SDK2: variants seen among roughly 807,000 people sequenced by gnomAD.
SDK2 encodes the protein sidekick cell adhesion molecule 2, also known as protein sidekick-2.
A neutral mutation model predicts 253.9 loss-of-function variants in SDK2; 105 were observed. The ratio of observed to expected loss-of-function variants is 0.41; its 90% confidence interval spans 0.35 to 0.49. The LOEUF is 0.49. SDK2 is among the 20% of genes least tolerant of loss of function. The probability of loss-of-function intolerance (pLI) is 0.06; values close to 1 mark genes in which losing one functional copy is unlikely to be tolerated. For missense variants in SDK2, 2,608 were observed against 3,003.0 expected, an observed-to-expected ratio of 0.87 and a Z score of 3.07; for synonymous variants, 1,249 against 1,234.9, an observed-to-expected ratio of 1.01 and a Z score of -0.24.
chr17:73,560,814 A>T (rs201340910), intron 1 of SDK2, among the ~76,000 whole-genome samples: 1 of 152,190 alleles, frequency 6.6e-6, no homozygotes, highest in East Asian at 1.9e-4. Context: ...CAGATCATGG[A>T]GCCACTGGTG....
intron 22 of SDK2, 73 bp from the exon 23 acceptor site, chr17:73,398,502 G>A: frequency 7.6e-7 from 1 of 1,309,870 alleles, no homozygotes; most frequent in South Asian, 1.3e-5. Flanking sequence ...CCCAGTACAA[G>A]CCCTGCCAGG....
At chr17:73,470,792 A>G (rs936556516) in intron 3 of SDK2, among the ~76,000 whole-genome samples, 2 of 152,170 alleles carry the variant, frequency 1.3e-5, no homozygotes, top group African/African-American at 2.4e-5. Flanking sequence ...TGAGCTCCAT[A>G]TGAGAGGGTG....
At chr17:73,476,449 C>T (rs747112391) in intron 2 of SDK2, among the ~76,000 whole-genome samples, 7 of 152,056 alleles carry the variant, frequency 4.6e-5, no homozygotes, top group South Asian at 2.1e-4. Context: ...CTTTATCGTA[C>T]GCATATATTG....
intron 4 of SDK2, among the ~76,000 whole-genome samples, chr17:73,450,023 C>A (rs373646246): frequency 6.6e-6 from 1 of 152,168 alleles, no homozygotes; most frequent in African/African-American, 2.4e-5. Context: ...GGGGCCAGAG[C>A]CAGGCGAAAA....
chr17:73,447,937 G>A lies in SDK2; in HGVS notation c.480-189C>T, dbSNP rs1350071038. Among the ~76,000 whole-genome samples the A allele has an allele frequency of 6.6e-6, 1 of 151,980 alleles. No individual in the cohort carries two copies. The highest frequency in any genetic ancestry group is 1.5e-5 in the Non-Finnish European group (1 of 67,992). On this transcript the variant is annotated intron_variant, in intron 4 of 44. Transcript: ENST00000392650. The surrounding 1 kb of genome is among the most constrained non-coding windows in gnomAD (Gnocchi z 4.0). ...CCGCCACGTTTAGTTTGCAGAGAAT[G>A]CTAAACACGGTGCTGATGCTGTCAA... is the stretch of plus-strand genomic sequence containing the variant.
chr17:73,469,485 A>C (rs905021018), intron 3 of SDK2, among the ~76,000 whole-genome samples: 3 of 152,204 alleles, frequency 2.0e-5, no homozygotes, highest in Admixed American at 6.5e-5. Flanking sequence ...GGGCGGGCCC[A>C]GGTCTGTCTG....
chr17:73,603,485 G>A (rs1170762361), intron 1 of SDK2, among the ~76,000 whole-genome samples: 2 of 152,176 alleles, frequency 1.3e-5, no homozygotes, highest in Non-Finnish European at 2.9e-5. Context: ...GCTAGCCTGG[G>A]TCCCAAGGTG....
intron 18 of SDK2, among the ~76,000 whole-genome samples, chr17:73,406,123 A>G (rs549499705): frequency 1.3e-5 from 2 of 152,302 alleles, no homozygotes; most frequent in African/African-American, 4.8e-5. Flanking sequence ...TTGGGGGAAT[A>G]ATGACAAAAA....
At chr17:73,628,841 A>T (rs1179644222) in intron 1 of SDK2, among the ~76,000 whole-genome samples, 1 of 152,148 alleles carries the variant, frequency 6.6e-6, no homozygotes, top group Non-Finnish European at 1.5e-5. Flanking sequence ...CGCCCCAGAG[A>T]CTGGCTCTTC....
At chr17:73,545,095 G>GCATGCACACACACA (rs1222193318) in intron 1 of SDK2, among the ~76,000 whole-genome samples, 22 of 75,312 alleles carry the variant, frequency 2.9e-4, no homozygotes, top group African/African-American at 2.0e-3. Flanking sequence ...GCGTGCACGT[G>GCATGCACACACACA]CACGCACACA....
At chr17:73,513,528 A>G (rs561759019) in intron 1 of SDK2, 1 of 152,360 alleles carries the variant, frequency 6.6e-6, no homozygotes, top group East Asian at 1.9e-4. Context: ...TACGCCCTCT[A>G]CGAGAGCAAT....
chr17:73,468,771 C>T (rs1206633627), intron 3 of SDK2, among the ~76,000 whole-genome samples: 2 of 151,482 alleles, frequency 1.3e-5, no homozygotes, highest in Non-Finnish European at 1.5e-5. Flanking sequence ...GTGATCCACC[C>T]GCCTTGGCTT....
At chr17:73,386,337 C>G in intron 31 of SDK2, 108 bp downstream of exon 31, 1 of 826,506 alleles carries the variant, frequency 1.2e-6, no homozygotes, top group Non-Finnish European at 2.0e-6. Flanking sequence ...CCCAGTGGGT[C>G]CCACGCCTCT....
At chr17:73,341,226 CTGACTT>C (rs1379759740) in intron 44 of SDK2, among the ~76,000 whole-genome samples, 25 of 109,198 alleles carry the variant, frequency 2.3e-4, no homozygotes, top group African/African-American at 6.9e-4. Flanking sequence ...TAAATTATTC[CTGACTT>C]TTTTTTTTTT....
At chr17:73,544,658 C>T (rs937817669) in intron 1 of SDK2, among the ~76,000 whole-genome samples, 1 of 152,172 alleles carries the variant, frequency 6.6e-6, no homozygotes, top group Admixed American at 6.5e-5. Context: ...GTTGAGATAC[C>T]TAGCAGTCCC....
At chr17:73,377,631 CTT>C (rs1160933749) in intron 36 of SDK2, among the ~76,000 whole-genome samples, 23 of 138,466 alleles carry the variant, frequency 1.7e-4, no homozygotes, top group African/African-American at 1.6e-4. Flanking sequence ...CTGCTGCCTG[CTT>C]TTTTTTTTTT....
At chr17:73,350,873 C>T in intron 41 of SDK2, 83 bp from the exon 42 acceptor site, 2 of 1,418,408 alleles carry the variant, frequency 1.4e-6, no homozygotes, top group Non-Finnish European at 1.9e-6. Flanking sequence ...ACCCTACTAA[C>T]TGCTACAATC....
At chr17:73,505,724 G>A (rs930889607) in intron 2 of SDK2, among the ~76,000 whole-genome samples, 14 of 134,898 alleles carry the variant, frequency 1.0e-4, no homozygotes, top group African/African-American at 3.1e-4. Flanking sequence ...CCTCATCATC[G>A]TCAATAGCTG....
chr17:73,496,041 C>T lies in SDK2; in HGVS notation c.224+11397G>A, dbSNP rs2063839484. Among the ~76,000 whole-genome samples, 1 of 152,228 alleles carries T rather than the reference C, an allele frequency of 6.6e-6. No individual in the cohort carries two copies. The highest frequency in any genetic ancestry group is 2.1e-4 in the South Asian group (1 of 4,814). On this transcript the variant is annotated intron_variant, in intron 2 of 44. Coordinates refer to ENST00000392650, the MANE Select transcript of SDK2 (RefSeq NM_001144952.2). The surrounding 1 kb of genome is among the most constrained non-coding windows in gnomAD (Gnocchi z 4.7). ...CTGGAACAGGCAGATAGGATCTAGC[C>T]TCATTGAGGAAAAGGAACCTGGACT...
Sources: allele counts gnomAD v4.1 joint callset (sites outside exome capture counted in the v4.1 genomes callset), GRCh38; gene constraint gnomAD v4.1.1; non-coding constraint Gnocchi (gnomAD v3.1); transcripts MANE v1.5; gene names NCBI Gene and HGNC (gene_info 2026-07-23, HGNC 2026-07-21).